Variants in NEDD9 observed in about 807,000 individuals in gnomAD.
NEDD9 encodes the protein enhancer of filamentation 1.
In NEDD9, 26 loss-of-function variants were observed where a neutral mutation model predicts 76.6. The ratio of observed to expected loss-of-function variants is 0.34; its 90% CI spans 0.25 to 0.47. NEDD9 has a LOEUF of 0.47. NEDD9 is among the 20% of genes least tolerant of loss of function. NEDD9 has a pLI of 1.00. For missense variants in NEDD9, 937 were observed against 1,058.5 expected (o/e 0.89, Z 1.59); for synonymous variants, 392 against 414.2 (o/e 0.95, Z 0.65).
intron 3 of NEDD9, among the ~76,000 whole-genome samples, chr6:11,240,542 G>A (rs913638956): frequency 6.6e-6 from 1 of 152,200 alleles, no homozygotes. Context: ...ACCACCTTAA[G>A]TGGAGTGACT....
At chr6:11,272,425 G>T (rs1399757242) in intron 3 of NEDD9, among the ~76,000 whole-genome samples, 1 of 152,164 alleles carries the variant, frequency 6.6e-6, no homozygotes, top group Admixed American at 6.5e-5. Flanking sequence ...AAGGTTTCTG[G>T]CTACATGCAC....
rs1367426079 is a variant in NEDD9 at position 11,249,305 on chromosome 6, T to C, written c.13-35578A>G. Reference sequence around the variant, plus strand: ...CTAGATGAATGAGTTTAAAAAGAAGTTAATTTTCTTCTTATTTGTTAGAAT... The same window carrying C: ...CTAGATGAATGAGTTTAAAAAGAAGCTAATTTTCTTCTTATTTGTTAGAAT... On this transcript the variant is annotated intron_variant, in intron 3 of 3. Coordinates refer to the NEDD9 transcript ENST00000397378. 7.5e-6 allele frequency: 3 copies of C among 400,358 alleles called. No homozygotes were observed. In the East Asian group the frequency reaches 2.1e-4, roughly 29 times the overall value. The allele number at this position is 400,358 out of a possible 1,614,324, so 24.8% of individuals were successfully genotyped here. A position where few individuals can be genotyped will look rare whatever the true frequency, so the allele number is the denominator to read the frequency against.
At chr6:11,232,461 A>G (rs1460939192) in intron 1 of NEDD9, 43 bp downstream of exon 1, 3 of 1,613,334 alleles carry the variant, frequency 1.9e-6, no homozygotes, top group Non-Finnish European at 1.7e-6. Flanking sequence ...CCGCAGGCAC[A>G]GCTTTCAGCT....
chr6:11,224,797 TAA>T (rs1416869987), intron 1 of NEDD9, among the ~76,000 whole-genome samples: 1 of 152,138 alleles, frequency 6.6e-6, no homozygotes, highest in Non-Finnish European at 1.5e-5. Flanking sequence ...AGCTCATTCT[TAA>T]AGAGTCCTCT....
chr6:11,218,458 T>C (rs902678414), intron 1 of NEDD9, among the ~76,000 whole-genome samples: 2 of 152,100 alleles, frequency 1.3e-5, no homozygotes, highest in Admixed American at 6.5e-5. Flanking sequence ...GGGTATCTAT[T>C]CAAAGGCTGT....
intron 1 of NEDD9, among the ~76,000 whole-genome samples, chr6:11,360,456 G>A (rs1762658657): frequency 6.6e-6 from 1 of 152,214 alleles, no homozygotes. Context: ...ATGTCAAAAT[G>A]TAATTCCCAA....
intron 3 of NEDD9, among the ~76,000 whole-genome samples, chr6:11,243,554 T>G (rs917947082): frequency 3.3e-5 from 5 of 152,204 alleles, no homozygotes; most frequent in African/African-American, 1.2e-4. Flanking sequence ...GGGACTCTTC[T>G]CTGCCTGCCA....
At position 11,213,516 on chromosome 6, in the gene NEDD9, T is replaced by A. The variant is rs761694099; in HGVS notation, c.224A>T (p.Glu75Val). 32 of 1,614,058 alleles carry A rather than the reference T, an allele frequency of 2.0e-5. No individual in the cohort carries two copies. The highest frequency in any genetic ancestry group is 3.3e-5 in the Admixed American group (2 of 60,004). ...GPMQETASSHEQPASGLMQQT... is the reference protein window; with the variant it reads ...GPMQETASSHVQPASGLMQQT... ...CTGCATCAGTCCAGAGGCAGGCTGC[T>A]CGTGACTGGAGGCAGTCTCCTGCAT... is the stretch of plus-strand genomic sequence containing the variant. Residue 75 changes from glutamate (E) to valine (V), a missense_variant, in exon 2 of 7, where the codon GAG becomes GTG. By Grantham distance (121) the Glu-to-Val change is moderately radical (BLOSUM62 -2). Transcript: ENST00000379446. The surrounding 1 kb of genome is among the most constrained non-coding windows in gnomAD (Gnocchi z 5.4).
chr6:11,254,076 G>A (rs1385855147), intron 3 of NEDD9, among the ~76,000 whole-genome samples: 3 of 152,076 alleles, frequency 2.0e-5, no homozygotes, highest in Non-Finnish European at 4.4e-5. Context: ...GAAATATTTG[G>A]GTTATATTTG....
intron 3 of NEDD9, among the ~76,000 whole-genome samples, chr6:11,251,949 G>T (rs1473781289): frequency 6.6e-6 from 1 of 152,092 alleles, no homozygotes; most frequent in Non-Finnish European, 1.5e-5. Flanking sequence ...TGTGGGGGGG[G>T]ATGGTGAGTG....
chr6:11,267,305 C>T (rs114671391), intron 3 of NEDD9, among the ~76,000 whole-genome samples: 331 of 151,478 alleles, frequency 2.2e-3, no homozygotes, highest in Non-Finnish European at 3.4e-3. Context: ...GGACAAATGG[C>T]TCTTGTGCTT....
At chr6:11,315,515 G>T (rs1463517381) in intron 2 of NEDD9, among the ~76,000 whole-genome samples, 1 of 152,252 alleles carries the variant, frequency 6.6e-6, no homozygotes, top group East Asian at 1.9e-4. Flanking sequence ...CCATGCCAAA[G>T]AAGAATTTGT....
chr6:11,329,218 G>A (rs1761986576), intron 2 of NEDD9, among the ~76,000 whole-genome samples: 2 of 152,210 alleles, frequency 1.3e-5, no homozygotes, highest in Non-Finnish European at 2.9e-5. Context: ...TTTGGTCCTG[G>A]GAAGAGAGAC....
rs148475295 is a variant in NEDD9, at chr6:11,309,814, G to A, written c.-152-3659C>T. ...TTCAAGTTGACTGCTAATAACATCAGTAGAGGTATAGAATAGTAATATCAA... is the reference window on the plus strand; with the variant it reads ...TTCAAGTTGACTGCTAATAACATCAATAGAGGTATAGAATAGTAATATCAA... On this transcript the variant is annotated intron_variant, in intron 2 of 3. Coordinates refer to the NEDD9 transcript ENST00000397378. Among the ~76,000 whole-genome samples, 5 of 152,230 alleles carry A rather than the reference G, an allele frequency of 3.3e-5. No homozygotes were observed. The East Asian group carries it at 9.6e-4, about 29-fold the overall frequency.
At chr6:11,305,031 A>G (rs997004179) in intron 3 of NEDD9, 1 of 1,220,366 alleles carries the variant, frequency 8.2e-7, no homozygotes, top group Admixed American at 2.7e-5. Flanking sequence ...TTACTTATCA[A>G]ATTATTTAAA....
At chr6:11,322,042 T>C (rs1374298559) in intron 2 of NEDD9, among the ~76,000 whole-genome samples, 3 of 152,112 alleles carry the variant, frequency 2.0e-5, no homozygotes, top group Non-Finnish European at 4.4e-5. Context: ...TGGATGAAGC[T>C]GGAAATCATC....
intron 2 of NEDD9, among the ~76,000 whole-genome samples, chr6:11,211,431 A>G (rs1422041948): frequency 6.6e-6 from 1 of 152,088 alleles, no homozygotes; most frequent in African/African-American, 2.4e-5. Flanking sequence ...AGAGCCCACC[A>G]CCTCCCAGCC....
chr6:11,277,394 G>A (rs1760439792), intron 3 of NEDD9, among the ~76,000 whole-genome samples: 1 of 152,200 alleles, frequency 6.6e-6, no homozygotes, highest in African/African-American at 2.4e-5. Flanking sequence ...AGAAGAGAGA[G>A]GTGGCGTTTG....
At chr6:11,278,547 GAT>G (rs1760465975) in intron 3 of NEDD9, among the ~76,000 whole-genome samples, 1 of 152,334 alleles carries the variant, frequency 6.6e-6, no homozygotes, top group African/African-American at 2.4e-5. Flanking sequence ...GAAAGTTGCA[GAT>G]TCGAAGAGCT....
Sources: gnomAD v4.1 joint callset for allele counts (sites outside exome capture counted in the v4.1 genomes callset) on GRCh38, gnomAD v4.1.1 for gene constraint, Gnocchi (gnomAD v3.1) non-coding constraint, MANE v1.5 for transcripts, NCBI Gene and HGNC (gene_info 2026-07-23, HGNC 2026-07-21) for gene names.